Variants in PTPRA observed in about 807,000 individuals in gnomAD.
PTPRA encodes protein tyrosine phosphatase receptor type A.
Under a neutral mutation model 104.8 loss-of-function variants are expected in PTPRA, and 25 were observed. The ratio of observed to expected loss-of-function variants is 0.24; its 90% confidence interval spans 0.17 to 0.33. The LOEUF is 0.33. Ranked by LOEUF, PTPRA falls within the 10% of genes least tolerant of loss-of-function variation. PTPRA has a pLI of 1.00. For missense variants in PTPRA, 765 were observed against 1,015.3 expected (o/e 0.75, Z 3.35); for synonymous variants, 323 against 368.9 (o/e 0.88, Z 1.43).
Position 3,024,328 on chromosome 20 carries a change from A to G in PTPRA, c.1465-144A>G. The G allele has an allele frequency of 6.9e-6, 6 of 874,334 alleles. No homozygotes were observed. The South Asian group carries it at 9.5e-5, about 14-fold the overall frequency. The allele number at this position is 874,334 out of a possible 1,614,324, so 54.2% of individuals were successfully genotyped here. On this transcript the variant is annotated intron_variant, in intron 16 of 23. Coordinates refer to ENST00000399903, the MANE Select transcript of PTPRA (RefSeq NM_001385305.1). Reference sequence around the variant, plus strand: ...TGCATTTCAAGTCCCACTTCACTAAATTGGGATAATAAGAGGGAGTCCTTT... The same window carrying G: ...TGCATTTCAAGTCCCACTTCACTAAGTTGGGATAATAAGAGGGAGTCCTTT...
intron 2 of PTPRA, among the ~76,000 whole-genome samples, chr20:2,925,106 T>C (rs988807486): frequency 3.9e-5 from 6 of 152,190 alleles, no homozygotes; most frequent in Non-Finnish European, 7.3e-5. Context: ...TACATTCCTG[T>C]TGTGCAGCCA....
chr20:2,995,168 C>T (rs908007861), intron 9 of PTPRA, among the ~76,000 whole-genome samples: 1 of 152,296 alleles, frequency 6.6e-6, no homozygotes, highest in African/African-American at 2.4e-5. Context: ...AAGTCATACT[C>T]TCCCTTCCTT....
At chr20:3,014,817 A>G (rs901951054) in intron 11 of PTPRA, among the ~76,000 whole-genome samples, 2 of 152,188 alleles carry the variant, frequency 1.3e-5, no homozygotes, top group Admixed American at 6.5e-5. Context: ...GAAATGGGTG[A>G]TTCACAATCC....
intron 1 of PTPRA, among the ~76,000 whole-genome samples, chr20:2,890,761 A>G (rs763260565): frequency 8.6e-5 from 13 of 151,896 alleles, no homozygotes; most frequent in South Asian, 4.2e-4. Flanking sequence ...TCCTCTTTCT[A>G]TCTTTGTGGC....
intron 9 of PTPRA, among the ~76,000 whole-genome samples, chr20:3,002,054 A>G (rs1040411053): frequency 6.6e-6 from 1 of 151,610 alleles, no homozygotes; most frequent in Non-Finnish European, 1.5e-5. Context: ...GCAGTAGGAT[A>G]CCTCCAGCCC....
chr20:2,989,898 T>C (rs1286494456), intron 9 of PTPRA, among the ~76,000 whole-genome samples: 1 of 152,128 alleles, frequency 6.6e-6, no homozygotes, highest in Non-Finnish European at 1.5e-5. Context: ...GCACCTATAG[T>C]TGCAGCTACT....
intron 3 of PTPRA, among the ~76,000 whole-genome samples, chr20:2,958,658 T>TAAAAAAA (rs71195806): frequency 1.3e-4 from 8 of 62,278 alleles, no homozygotes; most frequent in Non-Finnish European, 1.9e-4. Context: ...CCATCTCTAC[T>TAAAAAAA]AAAAAAAAAA....
intron 1 of PTPRA, among the ~76,000 whole-genome samples, chr20:2,901,117 C>T (rs1360713897): frequency 2.6e-5 from 4 of 151,844 alleles, no homozygotes; most frequent in South Asian, 2.1e-4. Flanking sequence ...ATTACAGGCG[C>T]GCGACACCAC....
intron 6 of PTPRA, among the ~76,000 whole-genome samples, chr20:2,979,283 T>G (rs779917694): frequency 5.1e-4 from 77 of 152,212 alleles, no homozygotes; most frequent in Non-Finnish European, 1.0e-3. Flanking sequence ...ACTAGATTAT[T>G]TCTTTTGGCC....
At chr20:2,992,664 T>TACCA (rs1392487866) in intron 9 of PTPRA, among the ~76,000 whole-genome samples, 2 of 60,852 alleles carry the variant, frequency 3.3e-5, no homozygotes, top group East Asian at 1.5e-3. Flanking sequence ...ATCATGGTCT[T>TACCA]ATATCCATAT....
chr20:3,038,663 T>G lies in PTPRA; in HGVS notation c.*530T>G, dbSNP rs907237703. The G allele has an allele frequency of 1.3e-5, 2 of 154,162 alleles. No individual in the cohort carries two copies. The highest frequency in any genetic ancestry group is 1.3e-4 in the Admixed American group (2 of 15,364). 9.5% of individuals were successfully genotyped at this position (154,162 alleles called of 1,614,324 possible). On this transcript the variant is annotated 3_prime_UTR_variant, in exon 24 of 24. Transcript: ENST00000399903. ...ACTATCAGGTAATAAAAGCTTTGAC[T>G]CCCTGAGGAAATGTCTCTCCCTTTG... is the stretch of plus-strand genomic sequence containing the variant.
At chr20:3,021,460 A>G (rs781584283) in intron 14 of PTPRA, 32 bp downstream of exon 14, 3 of 1,612,220 alleles carry the variant, frequency 1.9e-6, no homozygotes, top group South Asian at 2.2e-5. Context: ...CTCAGTTCTT[A>G]TGTTGGATCT....
chr20:2,936,087 G>A (rs969276425), intron 2 of PTPRA, among the ~76,000 whole-genome samples: 1 of 151,712 alleles, frequency 6.6e-6, no homozygotes, highest in Admixed American at 6.6e-5. Context: ...TCAAACTCCT[G>A]GCTTCAGGCA....
rs375909337 is a variant in PTPRA at position 3,011,730 on chromosome 20, G to A, written c.907-4119G>A. ...AGTTCTTACTTGCAGACTATAGAGTGTACTTTTCATCCACTCTTTTAAGCA... is the reference window on the plus strand; with the variant it reads ...AGTTCTTACTTGCAGACTATAGAGTATACTTTTCATCCACTCTTTTAAGCA... On this transcript the variant is annotated intron_variant, in intron 11 of 23. Transcript: ENST00000399903. 1.1e-4 allele frequency among the ~76,000 whole-genome samples: 16 copies of A among 152,298 alleles called. No individual in the cohort carries two copies. In the South Asian group the frequency reaches 3.1e-3, roughly 30 times the overall value.
chr20:2,959,860 A>C (rs2061684235), intron 3 of PTPRA, among the ~76,000 whole-genome samples: 2 of 152,178 alleles, frequency 1.3e-5, no homozygotes, highest in Admixed American at 1.3e-4. Context: ...CTGAGGCAGA[A>C]GAATCTCTTG....
intron 16 of PTPRA, among the ~76,000 whole-genome samples, chr20:3,024,119 G>A (rs1025339875): frequency 9.2e-5 from 14 of 152,196 alleles, no homozygotes; most frequent in Non-Finnish European, 1.0e-4. Context: ...AGCACCAGGA[G>A]GGAGGCAGGG....
At chr20:2,935,603 C>T (rs1406463420) in intron 2 of PTPRA, among the ~76,000 whole-genome samples, 3 of 152,106 alleles carry the variant, frequency 2.0e-5, no homozygotes, top group Non-Finnish European at 4.4e-5. Flanking sequence ...GACAGGGTCT[C>T]GCTGTGTCTC....
intron 5 of PTPRA, among the ~76,000 whole-genome samples, chr20:2,971,667 T>G (rs2062193093): frequency 6.6e-6 from 1 of 152,236 alleles, no homozygotes; most frequent in South Asian, 2.1e-4. Context: ...TACGTGGTAC[T>G]GACTCTTGAG....
chr20:2,904,443 G>A (rs1343773582), intron 1 of PTPRA, among the ~76,000 whole-genome samples: 2 of 151,962 alleles, frequency 1.3e-5, no homozygotes, highest in Non-Finnish European at 2.9e-5. Flanking sequence ...GGCCGAGGTG[G>A]GCGGATCGTG....
Sources: gnomAD v4.1 joint callset for allele counts (sites outside exome capture counted in the v4.1 genomes callset) on GRCh38, gnomAD v4.1.1 for gene constraint, MANE v1.5 for transcripts, NCBI Gene and HGNC (gene_info 2026-07-23, HGNC 2026-07-21) for gene names.